Variants in NFIB observed in about 807,000 individuals in gnomAD.
The protein encoded by NFIB is nuclear factor 1 B-type.
In NFIB, 11 loss-of-function variants were observed where a neutral mutation model predicts 61.5. The ratio of observed to expected loss-of-function variants is 0.18; its 90% CI spans 0.11 to 0.30. NFIB has a LOEUF of 0.30. Among genes scored for constraint, NFIB ranks in the 10% least tolerant of loss-of-function variants. The pLI, the probability that NFIB is intolerant of heterozygous loss-of-function variation, is 1.00. For missense variants in NFIB, 471 were observed against 608.9 expected (o/e 0.77, Z 2.38); for synonymous variants, 260 against 216.5 (o/e 1.20, Z -1.76).
intron 2 of NFIB, among the ~76,000 whole-genome samples, chr9:14,288,975 T>C (rs2058893899): frequency 6.6e-6 from 1 of 151,560 alleles, no homozygotes; most frequent in African/African-American, 2.4e-5. Context: ...GACTATATGA[T>C]GATACATACG....
At chr9:14,231,861 A>G (rs1260085509) in intron 2 of NFIB, among the ~76,000 whole-genome samples, 1 of 152,208 alleles carries the variant, frequency 6.6e-6, no homozygotes, top group East Asian at 1.9e-4. Context: ...GTTGGAGTCT[A>G]AAACAAGAAT....
At chr9:14,417,767 A>C in the NFIB span, among the ~76,000 whole-genome samples, 3 of 142,542 alleles carry the variant, frequency 2.1e-5, no homozygotes, top group African/African-American at 5.2e-5. Flanking sequence ...GTTAGGGCCT[A>C]GGAACAGTTT....
chr9:14,527,553 C>T, the NFIB span, among the ~76,000 whole-genome samples: 5 of 152,100 alleles, frequency 3.3e-5, no homozygotes, highest in African/African-American at 9.7e-5. Flanking sequence ...AATATGATGT[C>T]GATCACCCCC....
chr9:14,199,731 T>C (rs1030037231), intron 2 of NFIB, among the ~76,000 whole-genome samples: 69 of 152,306 alleles, frequency 4.5e-4, no homozygotes, highest in African/African-American at 1.6e-3. Context: ...CAAGTCAACA[T>C]TGCAGACTGA....
At chr9:14,155,736 G>A in intron 4 of NFIB, 89 bp downstream of exon 4, 1 of 644,442 alleles carries the variant, frequency 1.6e-6, no homozygotes, top group South Asian at 2.9e-5. Context: ...CTAATATGTG[G>A]TCACTCTTTA....
chr9:14,453,635 G>A, the NFIB span, among the ~76,000 whole-genome samples: 1 of 152,144 alleles, frequency 6.6e-6, no homozygotes, highest in African/African-American at 2.4e-5. Context: ...GTAAATCATT[G>A]AGAGTAATAT....
Position 14,313,342 on chromosome 9 carries a change from G to T in NFIB, c.30+140C>A, listed in dbSNP as rs1443896013. 4.1e-6 allele frequency: 5 copies of T among 1,209,580 alleles called. No homozygotes were observed. Among genetic ancestry groups the T allele is most frequent in the Non-Finnish European group, 5.6e-6 (5 of 892,162 alleles). The allele number at this position is 1,209,580 out of a possible 1,614,324, so 74.9% of individuals were successfully genotyped here. A position where few individuals can be genotyped will look rare whatever the true frequency, so the allele number is the denominator to read the frequency against. Reference sequence around the variant, plus strand: ...CCCGGCTCCCACGCCGCCCCGCGACGCCCGCTGCAACTCCGGGCCACTTCT... The same window carrying T: ...CCCGGCTCCCACGCCGCCCCGCGACTCCCGCTGCAACTCCGGGCCACTTCT... On this transcript the variant is annotated intron_variant, in intron 1 of 10. Transcript: ENST00000380953. The surrounding 1 kb of genome is among the most constrained non-coding windows in gnomAD (Gnocchi z 4.5).
intron 2 of NFIB, among the ~76,000 whole-genome samples, chr9:14,228,793 G>A (rs1444471632): frequency 6.6e-6 from 1 of 152,110 alleles, no homozygotes; most frequent in Non-Finnish European, 1.5e-5. Flanking sequence ...TTTTATTAGA[G>A]TGTGTTACTC....
intron 1 of NFIB, among the ~76,000 whole-genome samples, chr9:14,327,105 T>C (rs2060763403): frequency 6.1e-5 from 1 of 16,282 alleles, no homozygotes; most frequent in South Asian, 6.7e-3. Flanking sequence ...ACTAAGGTAT[T>C]TTTTTTTTAA....
In NFIB at chr9:14,087,155, A is replaced by G. The variant is rs892702248; in HGVS notation, c.*1154T>C. 6 of 200,492 alleles carry G rather than the reference A, an allele frequency of 3.0e-5. No homozygotes were observed. Among genetic ancestry groups the G allele is most frequent in the Non-Finnish European group, 5.2e-5 (5 of 96,962 alleles). The allele number at this position is 200,492 out of a possible 1,614,324, so 12.4% of individuals were successfully genotyped here. On this transcript the variant is annotated 3_prime_UTR_variant, in exon 11 of 11. Transcript: ENST00000380953. Reference sequence around the variant, plus strand: ...TTTTATAGAACCTTTTGTACACCCTATGGGTTCTTGATGCAACCAGTAATT... The same window carrying G: ...TTTTATAGAACCTTTTGTACACCCTGTGGGTTCTTGATGCAACCAGTAATT...
upstream of NFIB, among the ~76,000 whole-genome samples, chr9:14,403,356 C>T (rs193134363): frequency 2.6e-5 from 4 of 152,326 alleles, no homozygotes; most frequent in East Asian, 5.8e-4. Flanking sequence ...GCCATGCTCC[C>T]GGATCCCTGT....
chr9:14,115,400 A>G (rs1001809286), intron 9 of NFIB, among the ~76,000 whole-genome samples: 6 of 152,196 alleles, frequency 3.9e-5, no homozygotes, highest in African/African-American at 1.4e-4. Context: ...TGTACATTCC[A>G]GCTCCAGTAC....
rs2060054688 is a variant in NFIB at position 14,306,975 on chromosome 9, C to G, written c.562+14G>C. ...GTGTTTGCCGTGCTAGAAAAAAGAA[C>G]AATCTGCTCCTACCTTGCTCCTGCA... On this transcript the variant is annotated intron_variant, in intron 2 of 10. Transcript: ENST00000380953. The G allele has an allele frequency of 6.2e-7, 1 of 1,611,634 alleles. No individual in the cohort carries two copies. Among genetic ancestry groups the G allele is most frequent in the Non-Finnish European group, 8.5e-7 (1 of 1,178,080 alleles).
At position 14,155,908 on chromosome 9, in the gene NFIB, T is replaced by A. The variant is rs1227966373; in HGVS notation, c.617-15A>T. The stretch of plus-strand genomic sequence containing the variant: ...CTCAAGGTAACCTGAAAATAAATAT[T>A]AAAGGAAAAATGATCAATATAAGCA... On this transcript the variant is annotated splice_polypyrimidine_tract_variant and intron_variant, in intron 3 of 10. Coordinates refer to ENST00000380953, the MANE Select transcript of NFIB (RefSeq NM_001190737.2). 6.8e-7 allele frequency: 1 copy of A among 1,470,808 alleles called. No individual in the cohort carries two copies. Among genetic ancestry groups the A allele is most frequent in the Non-Finnish European group, 9.4e-7 (1 of 1,068,498 alleles). 91.1% of individuals were successfully genotyped at this position (1,470,808 alleles called of 1,614,324 possible).
At chr9:14,188,001 C>G (rs1435305919) in intron 2 of NFIB, among the ~76,000 whole-genome samples, 1 of 152,064 alleles carries the variant, frequency 6.6e-6, no homozygotes, top group Non-Finnish European at 1.5e-5. Context: ...CTGCCCTAAC[C>G]TAAGATTAAG....
At chr9:14,341,800 C>CAAAG (rs2132875862) in intron 1 of NFIB, among the ~76,000 whole-genome samples, 1 of 152,142 alleles carries the variant, frequency 6.6e-6, no homozygotes, top group African/African-American at 2.4e-5. Context: ...CTGGGGAAGA[C>CAAAG]AAAGAAAGAG....
At chr9:14,199,397 G>A (rs923577241) in intron 2 of NFIB, among the ~76,000 whole-genome samples, 2 of 152,154 alleles carry the variant, frequency 1.3e-5, no homozygotes, top group Non-Finnish European at 2.9e-5. Flanking sequence ...ACTCACAGCC[G>A]GCTACAGTGT....
At chr9:14,310,635 T>TA (rs1047189887) in intron 1 of NFIB, among the ~76,000 whole-genome samples, 6 of 152,094 alleles carry the variant, frequency 3.9e-5, no homozygotes, top group South Asian at 2.1e-4. Flanking sequence ...ATAAATTCTT[T>TA]AAAAAAAGCA....
chr9:14,417,783 T>TTG, the NFIB span, among the ~76,000 whole-genome samples: 487 of 142,822 alleles, frequency 3.4e-3, 7 homozygotes, highest in South Asian at 0.03. Context: ...AGTTTTTTTT[T>TTG]TTTTTTTTTT....
Sources: gnomAD v4.1 joint callset for allele counts (sites outside exome capture counted in the v4.1 genomes callset) on GRCh38, gnomAD v4.1.1 for gene constraint, Gnocchi (gnomAD v3.1) non-coding constraint, MANE v1.5 for transcripts, NCBI Gene and HGNC (gene_info 2026-07-23, HGNC 2026-07-21) for gene names.